Variants in BFSP2 observed in about 807,000 individuals in gnomAD.
The protein encoded by BFSP2 is phakinin.
In BFSP2, 38 loss-of-function variants were observed where a neutral mutation model predicts 44.9. That is an observed-to-expected ratio of 0.85 (90% confidence interval 0.65 to 1.11). The LOEUF is 1.11. Among genes scored for constraint, BFSP2 ranks in the 50% least tolerant of loss-of-function variants. BFSP2 has a pLI of 0.00. For synonymous variants in BFSP2, 197 were observed against 209.9 expected (o/e 0.94, Z 0.53); for missense variants, 525 against 533.0 (o/e 0.99, Z 0.15).
At chr3:133,446,693 G>A (rs908200993) in intron 1 of BFSP2, among the ~76,000 whole-genome samples, 2 of 137,954 alleles carry the variant, frequency 1.4e-5, no homozygotes, top group African/African-American at 5.5e-5. Flanking sequence ...ACCTGTGGGA[G>A]ATCCTGAGAG....
At chr3:133,446,639 T>G (rs1238232891) in intron 1 of BFSP2, among the ~76,000 whole-genome samples, 2 of 87,532 alleles carry the variant, frequency 2.3e-5, no homozygotes, top group Non-Finnish European at 4.2e-5. Context: ...TATATATATA[T>G]AAAGGAGTTT....
chr3:133,472,224 G>T (rs1310759882), intron 5 of BFSP2, 121 bp from the exon 6 acceptor site: 10 of 1,131,828 alleles, frequency 8.8e-6, no homozygotes, highest in Non-Finnish European at 1.3e-5. Flanking sequence ...AACTGGCAAG[G>T]TCCCTGCCAC....
intron 1 of BFSP2, among the ~76,000 whole-genome samples, chr3:133,413,353 C>T (rs539205413): frequency 2.0e-5 from 3 of 152,006 alleles, no homozygotes; most frequent in African/African-American, 7.2e-5. Flanking sequence ...AAAACAAACC[C>T]AGCCAAATTA....
At chr3:133,406,464 G>C (rs565295854) in intron 1 of BFSP2, among the ~76,000 whole-genome samples, 2 of 152,220 alleles carry the variant, frequency 1.3e-5, no homozygotes, top group Admixed American at 1.3e-4. Context: ...ATGGAAGACA[G>C]GGGGTGGGGT....
intron 1 of BFSP2, among the ~76,000 whole-genome samples, chr3:133,421,069 G>A (rs933514166): frequency 2.0e-5 from 3 of 152,182 alleles, no homozygotes; most frequent in Non-Finnish European, 4.4e-5. Context: ...GATAATGCAT[G>A]TAAACTAGAA....
chr3:133,444,542 A>T (rs1254162313), intron 1 of BFSP2, among the ~76,000 whole-genome samples: 2 of 152,142 alleles, frequency 1.3e-5, no homozygotes, highest in African/African-American at 4.8e-5. Flanking sequence ...AGAGAGGGAT[A>T]ATGTGCCACA....
At chr3:133,436,292 C>G (rs6804530) in intron 1 of BFSP2, among the ~76,000 whole-genome samples, 19,075 of 143,792 alleles carry the variant, frequency 0.13, 1,339 homozygotes, top group East Asian at 0.29. Flanking sequence ...CTTTGCTGCA[C>G]TCCAGCCAGG....
At chr3:133,472,642 T>A in intron 6 of BFSP2, 77 bp downstream of exon 6, 2 of 1,515,820 alleles carry the variant, frequency 1.3e-6, no homozygotes, top group South Asian at 1.2e-5. Flanking sequence ...CCAAACACTG[T>A]AGAAGTATTT....
At chr3:133,440,233 CAATGAT>C (rs2073832056) in intron 1 of BFSP2, among the ~76,000 whole-genome samples, 1 of 1,980 alleles carries the variant, frequency 5.1e-4, no homozygotes, top group Non-Finnish European at 2.9e-3. Flanking sequence ...CCCCATGATT[CAATGAT>C]TCAATTATCT....
chr3:133,422,933 C>T (rs912468066), intron 1 of BFSP2, among the ~76,000 whole-genome samples: 2 of 152,194 alleles, frequency 1.3e-5, no homozygotes, highest in African/African-American at 4.8e-5. Context: ...CAGGATTGTG[C>T]CTGCCTATAC....
At chr3:133,448,858 T>C in intron 3 of BFSP2, 1 of 611,538 alleles carries the variant, frequency 1.6e-6, no homozygotes, top group Non-Finnish European at 2.8e-6. Context: ...CAGGAACCAG[T>C]GTGGTACAGA....
intron 1 of BFSP2, among the ~76,000 whole-genome samples, chr3:133,431,886 G>A (rs539660685): frequency 5.3e-5 from 8 of 151,982 alleles, no homozygotes; most frequent in Non-Finnish European, 8.8e-5. Flanking sequence ...TTATTAGGCC[G>A]AGACACTTTA....
chr3:133,431,814 G>A (rs190959158), intron 1 of BFSP2, among the ~76,000 whole-genome samples: 297 of 152,182 alleles, frequency 2.0e-3, no homozygotes, highest in African/African-American at 6.3e-3. Flanking sequence ...CAACTCTGGT[G>A]CCAACTTAGA....
chr3:133,465,278 A>T (rs994738395), intron 4 of BFSP2, among the ~76,000 whole-genome samples: 2 of 151,946 alleles, frequency 1.3e-5, no homozygotes, highest in African/African-American at 4.8e-5. Flanking sequence ...AAGTGCTGGG[A>T]TTACAGGCAT....
chr3:133,433,991 T>A (rs2073755547), intron 1 of BFSP2, among the ~76,000 whole-genome samples: 1 of 152,212 alleles, frequency 6.6e-6, no homozygotes, highest in Non-Finnish European at 1.5e-5. Context: ...TTCTGTCTAA[T>A]CATACTCCTA....
At chr3:133,433,111 T>C (rs537419392) in intron 1 of BFSP2, among the ~76,000 whole-genome samples, 4 of 152,304 alleles carry the variant, frequency 2.6e-5, no homozygotes, top group East Asian at 3.9e-4. Flanking sequence ...CCACAATTAC[T>C]ATTGTTCCTG....
intron 1 of BFSP2, among the ~76,000 whole-genome samples, chr3:133,419,952 C>A (rs745324557): frequency 2.3e-4 from 35 of 152,214 alleles, no homozygotes; most frequent in Non-Finnish European, 3.1e-4. Context: ...CTCGGGTGGG[C>A]GAGGCCTGGC....
chr3:133,404,271 C>T (rs1364661706), intron 1 of BFSP2, among the ~76,000 whole-genome samples: 1 of 152,124 alleles, frequency 6.6e-6, no homozygotes, highest in Non-Finnish European at 1.5e-5. Context: ...GAGTATGGAC[C>T]AGGGGCTCTT....
chr3:133,437,467 G>A (rs999721453), intron 1 of BFSP2, among the ~76,000 whole-genome samples: 9 of 151,894 alleles, frequency 5.9e-5, no homozygotes, highest in South Asian at 2.1e-4. Context: ...AGGTTGCGGC[G>A]AGCCGAGATC....
Sources: gnomAD v4.1 joint callset for allele counts (sites outside exome capture counted in the v4.1 genomes callset) on GRCh38, gnomAD v4.1.1 for gene constraint, MANE v1.5 for transcripts, NCBI Gene and HGNC (gene_info 2026-07-23, HGNC 2026-07-21) for gene names.